MCOLN2: variants seen among roughly 807,000 people sequenced by gnomAD.
MCOLN2 encodes mucolipin TRP cation channel 2.
Under a neutral mutation model 67.5 loss-of-function variants are expected in MCOLN2, and 57 were observed. The observed-to-expected ratio is 0.84, with a 90% confidence interval of 0.68 to 1.05. MCOLN2 has a LOEUF of 1.05. Among genes scored for constraint, MCOLN2 ranks in the 50% least tolerant of loss-of-function variants. The probability of loss-of-function intolerance (pLI) is 0.00; values close to 1 mark genes in which losing one functional copy is unlikely to be tolerated. For missense variants in MCOLN2, 620 were observed against 678.8 expected (o/e 0.91, Z 0.96); for synonymous variants, 246 against 233.3 (o/e 1.05, Z -0.50).
intron 6 of MCOLN2, among the ~76,000 whole-genome samples, chr1:84,949,335 G>A (rs72944595): frequency 0.16 from 24,444 of 151,952 alleles, 4,495 homozygotes; most frequent in African/African-American, 0.45. Context: ...AAAGACAGAG[G>A]CAATTCTAAA....
chr1:84,973,136 T>C (rs1180988900), intron 1 of MCOLN2, among the ~76,000 whole-genome samples: 1 of 152,148 alleles, frequency 6.6e-6, no homozygotes, highest in African/African-American at 2.4e-5. Context: ...CAAGATTTAA[T>C]ATATGAATTG....
chr1:84,989,310 A>G (rs1650766545), intron 1 of MCOLN2, among the ~76,000 whole-genome samples: 1 of 152,218 alleles, frequency 6.6e-6, no homozygotes, highest in Admixed American at 6.5e-5. Flanking sequence ...TAAAAATAAT[A>G]GAAAGTCTAA....
rs1255485061 is a variant in MCOLN2 at position 84,940,947 on chromosome 1, T to C, written c.892A>G (p.Ile298Val). 1 of 1,613,740 alleles carries C rather than the reference T, an allele frequency of 6.2e-7. No homozygotes were observed. Among genetic ancestry groups the C allele is most frequent in the East Asian group, 2.2e-5 (1 of 44,814 alleles). The change falls in exon 8 of 14, where the codon ATT (isoleucine) becomes GTT (valine). Residue 298 changes from isoleucine (I) to valine (V), a missense_variant. Physicochemically the swap from Ile to Val is conservative, Grantham distance 29. Coordinates refer to ENST00000370608, the MANE Select transcript of MCOLN2 (RefSeq NM_153259.4). ...QYVLVFDAFV[I>V]VICLASLILC... ...ATAAGAGATGCCAAGCAAATCACAA[T>C]GACAAATGCATCAAACACCAGGACA...
intron 1 of MCOLN2, among the ~76,000 whole-genome samples, chr1:84,987,536 G>GGTA (rs1650634532): frequency 3.7e-4 from 8 of 21,642 alleles, no homozygotes; most frequent in African/African-American, 9.4e-4. Flanking sequence ...ATACATCTAT[G>GGTA]TATACATAGA....
chr1:84,983,851 A>G (rs1216021912), intron 1 of MCOLN2, among the ~76,000 whole-genome samples: 1 of 150,698 alleles, frequency 6.6e-6, no homozygotes, highest in Non-Finnish European at 1.5e-5. Flanking sequence ...TAATTTTTGT[A>G]TTTTTAGTAG....
chr1:84,926,750 G>T (rs748839335), intron 13 of MCOLN2, 29 bp from the exon 14 acceptor site: 1 of 1,559,980 alleles, frequency 6.4e-7, no homozygotes, highest in South Asian at 1.2e-5. Flanking sequence ...GAAGAAAAGA[G>T]GAAAGATACA....
At chr1:84,937,721 C>T in intron 11 of MCOLN2, 34 bp downstream of exon 11, 2 of 1,611,944 alleles carry the variant, frequency 1.2e-6, no homozygotes, top group Non-Finnish European at 1.7e-6. Context: ...TCCCACGTGC[C>T]CCATCTGCAG....
chr1:84,935,067 C>T (rs1395463466), intron 11 of MCOLN2, among the ~76,000 whole-genome samples: 1 of 152,180 alleles, frequency 6.6e-6, no homozygotes, highest in African/African-American at 2.4e-5. Context: ...CTTGGAATGC[C>T]TAGCTTTTCA....
At chr1:84,928,531 C>T (rs1050613786) in intron 13 of MCOLN2, among the ~76,000 whole-genome samples, 1 of 152,206 alleles carries the variant, frequency 6.6e-6, no homozygotes, top group African/African-American at 2.4e-5. Context: ...TTCATGACTA[C>T]ATTTTTCAAT....
chr1:84,970,779 A>T (rs668860), intron 1 of MCOLN2, among the ~76,000 whole-genome samples: 76,837 of 152,008 alleles, frequency 0.51, 19,715 homozygotes, highest in East Asian at 0.64. Context: ...TAGATAAAAG[A>T]ATGATACAAT....
chr1:84,936,459 GAAAA>G (rs1647436005), intron 11 of MCOLN2, among the ~76,000 whole-genome samples: 1 of 152,088 alleles, frequency 6.6e-6, no homozygotes, highest in Non-Finnish European at 1.5e-5. Context: ...AAGCAAGGAA[GAAAA>G]ATACATTTTT....
intron 6 of MCOLN2, among the ~76,000 whole-genome samples, chr1:84,949,260 C>G (rs1648284137): frequency 6.6e-6 from 1 of 152,170 alleles, no homozygotes; most frequent in South Asian, 2.1e-4. Flanking sequence ...GCTCAAAGAT[C>G]CCCAATTAGA....
chr1:84,946,897 T>C, intron 7 of MCOLN2, 136 bp downstream of exon 7: 1 of 567,482 alleles, frequency 1.8e-6, no homozygotes, highest in South Asian at 2.3e-5. Context: ...CTTTGGGATA[T>C]TCTTTACAGG....
Position 84,926,626 on chromosome 1 carries a change from G to A in MCOLN2, c.*59C>T. The A allele has an allele frequency of 7.5e-7, 1 of 1,334,092 alleles. No individual in the cohort carries two copies. The highest frequency in any genetic ancestry group is 1.0e-6 in the Non-Finnish European group (1 of 965,274). 82.6% of individuals were successfully genotyped at this position (1,334,092 alleles called of 1,614,324 possible). ...GAACTGCTTGTCCAAGTCATTTGGG[G>A]TTCCTCTGCTCAGCCGCTGGATAAG... is the stretch of plus-strand genomic sequence containing the variant. On this transcript the variant is annotated 3_prime_UTR_variant, in exon 14 of 14. Transcript: ENST00000370608.
At chr1:84,978,276 C>T (rs868568448) in intron 1 of MCOLN2, among the ~76,000 whole-genome samples, 6 of 150,364 alleles carry the variant, frequency 4.0e-5, no homozygotes, top group Non-Finnish European at 8.9e-5. Context: ...CTGCCTACTT[C>T]AAAAAAAAAG....
chr1:84,965,427 A>G, intron 2 of MCOLN2, 122 bp downstream of exon 2: 2 of 1,005,488 alleles, frequency 2.0e-6, no homozygotes, highest in Non-Finnish European at 2.9e-6. Context: ...CAGAGTCAAT[A>G]TAATTTTAGT....
In MCOLN2 at chr1:84,929,932, T is replaced by A. The variant is rs573763339; in HGVS notation, c.1543-253A>T. On this transcript the variant is annotated intron_variant, in intron 12 of 13. Transcript: ENST00000370608. Reference sequence around the variant, plus strand: ...GAGAAGAGCCAGGGAGAGGTTTTTTTTAAAAAAAAAAAAGGTAATGAAGGA... The same window carrying A: ...GAGAAGAGCCAGGGAGAGGTTTTTTATAAAAAAAAAAAAGGTAATGAAGGA... 1.1e-3 allele frequency: 243 copies of A among 230,194 alleles called. 2 individuals carry two copies. Among genetic ancestry groups the A allele is most frequent in the African/African-American group, 4.2e-3 (161 of 38,420 alleles). The allele number at this position is 230,194 out of a possible 1,614,324, so 14.3% of individuals were successfully genotyped here. A position where few individuals can be genotyped will look rare whatever the true frequency, so the allele number is the denominator to read the frequency against.
At chr1:84,992,546 A>G (rs1650943468) in intron 1 of MCOLN2, among the ~76,000 whole-genome samples, 1 of 152,238 alleles carries the variant, frequency 6.6e-6, no homozygotes, top group Non-Finnish European at 1.5e-5. Context: ...TTTAATACTG[A>G]ACAGAACATT....
intron 1 of MCOLN2, among the ~76,000 whole-genome samples, chr1:84,968,092 C>G (rs1018739440): frequency 6.6e-6 from 1 of 152,122 alleles, no homozygotes; most frequent in Non-Finnish European, 1.5e-5. Context: ...GAAACGGGAA[C>G]AAGAGAGCCA....
Sources: gnomAD v4.1 joint callset for allele counts (sites outside exome capture counted in the v4.1 genomes callset) on GRCh38, gnomAD v4.1.1 for gene constraint, MANE v1.5 for transcripts, NCBI Gene and HGNC (gene_info 2026-07-23, HGNC 2026-07-21) for gene names.